ALPK2: variants seen among roughly 807,000 people sequenced by gnomAD.
ALPK2 encodes alpha kinase 2.
In ALPK2, 127 loss-of-function variants were observed where a neutral mutation model predicts 163.1. That is an observed-to-expected ratio of 0.78 (90% CI 0.67 to 0.90). The LOEUF (loss-of-function observed/expected upper bound fraction) is 0.90, where lower values mean the gene tolerates loss of function less well. ALPK2 is among the 40% of genes least tolerant of loss of function. The pLI is 0.00. For missense variants in ALPK2, 2,360 were observed against 2,589.6 expected, an observed-to-expected ratio of 0.91 and a Z score of 1.92; for synonymous variants, 953 against 959.1, an observed-to-expected ratio of 0.99 and a Z score of 0.12.
chr18:58,520,360 T>C (rs1213407366), intron 8 of ALPK2, among the ~76,000 whole-genome samples: 1 of 128,630 alleles, frequency 7.8e-6, no homozygotes, highest in East Asian at 2.3e-4. Flanking sequence ...ACTTGGGAGG[T>C]GGAGGTTGCA....
At chr18:58,512,984 G>T (rs2051501110) in intron 10 of ALPK2, among the ~76,000 whole-genome samples, 1 of 145,358 alleles carries the variant, frequency 6.9e-6, no homozygotes, top group African/African-American at 2.6e-5. Context: ...TGTGTGGTGT[G>T]TGTGTGGTGT....
At chr18:58,621,277 T>C (rs914196913) in intron 1 of ALPK2, among the ~76,000 whole-genome samples, 4 of 149,676 alleles carry the variant, frequency 2.7e-5, no homozygotes, top group Non-Finnish European at 5.9e-5. Context: ...GTGATCACTT[T>C]CTTTTTTTTT....
chr18:58,488,300 T>G (rs2051350717), intron 12 of ALPK2, among the ~76,000 whole-genome samples: 1 of 151,178 alleles, frequency 6.6e-6, no homozygotes, highest in Admixed American at 6.6e-5. Context: ...TATTCAAGAT[T>G]TGCTATGTGT....
At chr18:58,498,240 C>A (rs533883079) in intron 11 of ALPK2, 143 bp from the exon 12 acceptor site, 21 of 722,434 alleles carry the variant, frequency 2.9e-5, no homozygotes, top group Non-Finnish European at 5.1e-5. Flanking sequence ...CTTTCATATA[C>A]GCATCCAGCT....
intron 3 of ALPK2, among the ~76,000 whole-genome samples, chr18:58,603,601 A>G (rs974204658): frequency 2.6e-5 from 4 of 152,124 alleles, no homozygotes; most frequent in Non-Finnish European, 4.4e-5. Flanking sequence ...TGCAACCATC[A>G]AAGGAGGCCT....
intron 1 of ALPK2, among the ~76,000 whole-genome samples, chr18:58,623,589 C>T (rs1196210943): frequency 1.3e-5 from 2 of 152,198 alleles, no homozygotes; most frequent in Non-Finnish European, 2.9e-5. Flanking sequence ...CCTCAGCCTC[C>T]TGAGTAGCTG....
intron 4 of ALPK2, among the ~76,000 whole-genome samples, chr18:58,552,091 T>TA (rs1040020343): frequency 3.7e-4 from 56 of 151,462 alleles, no homozygotes; most frequent in African/African-American, 1.2e-3. Context: ...ATCATCACTT[T>TA]AAAAAAAAAT....
chr18:58,612,423 G>A (rs778637015), intron 1 of ALPK2, among the ~76,000 whole-genome samples: 1 of 152,216 alleles, frequency 6.6e-6, no homozygotes, highest in African/African-American at 2.4e-5. Flanking sequence ...GTGCCCTAGG[G>A]GAAGGCAGGC....
intron 4 of ALPK2, among the ~76,000 whole-genome samples, chr18:58,541,311 TAAAC>T (rs2051688556): frequency 6.6e-6 from 1 of 152,160 alleles, no homozygotes; most frequent in African/African-American, 2.4e-5. Flanking sequence ...CGCACACTTT[TAAAC>T]AACCAGATCT....
chr18:58,610,271 G>A (rs1252504604), intron 2 of ALPK2, among the ~76,000 whole-genome samples: 8 of 95,008 alleles, frequency 8.4e-5, no homozygotes, highest in South Asian at 4.5e-4. Flanking sequence ...AAGAGACCCT[G>A]TCTCAAAAAA....
At chr18:58,490,831 G>A (rs2051370720) in intron 12 of ALPK2, among the ~76,000 whole-genome samples, 1 of 152,182 alleles carries the variant, frequency 6.6e-6, no homozygotes, top group South Asian at 2.1e-4. Context: ...GAGTCCCGAA[G>A]AAGAGAGCTC....
intron 1 of ALPK2, among the ~76,000 whole-genome samples, chr18:58,614,474 T>C (rs1426558219): frequency 2.0e-5 from 3 of 152,230 alleles, no homozygotes; most frequent in South Asian, 4.1e-4. Context: ...TAATCCCCTC[T>C]CAGCATAATG....
At chr18:58,591,674 A>G (rs1467448658) in intron 3 of ALPK2, among the ~76,000 whole-genome samples, 1 of 152,230 alleles carries the variant, frequency 6.6e-6, no homozygotes, top group East Asian at 1.9e-4. Flanking sequence ...GGCAGAAGGA[A>G]TAGCCTAAAT....
At chr18:58,510,227 C>G (rs2051483130) in intron 10 of ALPK2, among the ~76,000 whole-genome samples, 1 of 152,178 alleles carries the variant, frequency 6.6e-6, no homozygotes. Flanking sequence ...GGGCTCTGTT[C>G]TGTTCCATTG....
chr18:58,510,180 C>T lies in ALPK2; in HGVS notation c.6029+4813G>A, dbSNP rs559283341. On this transcript the variant is annotated intron_variant, in intron 10 of 12. Transcript: ENST00000361673. ...TTCTTGTTTTTGTGAGGTTTGTCAA[C>T]GATCAGATAGTTGTAGATACGTGGC... Among the ~76,000 whole-genome samples, 31 of 152,246 alleles carry T rather than the reference C, an allele frequency of 2.0e-4. No homozygotes were observed. In the South Asian group the frequency reaches 2.1e-3, roughly 10 times the overall value.
intron 4 of ALPK2, chr18:58,578,271 C>T (rs1568091009): frequency 6.6e-6 from 1 of 152,300 alleles, no homozygotes; most frequent in Non-Finnish European, 1.5e-5. Context: ...CCTGCTTTCC[C>T]TAGCATCACA....
chr18:58,587,395 G>T (rs2051992936), intron 3 of ALPK2, among the ~76,000 whole-genome samples: 1 of 152,048 alleles, frequency 6.6e-6, no homozygotes, highest in Non-Finnish European at 1.5e-5. Flanking sequence ...ATAAAGTATT[G>T]CCCATACACA....
At chr18:58,612,394 C>A (rs2052137557) in intron 1 of ALPK2, among the ~76,000 whole-genome samples, 1 of 152,200 alleles carries the variant, frequency 6.6e-6, no homozygotes, top group East Asian at 1.9e-4. Context: ...TATGACTGCT[C>A]CTTCTGAGCA....
chr18:58,568,077 G>A (rs557718532), intron 4 of ALPK2, among the ~76,000 whole-genome samples: 30 of 152,212 alleles, frequency 2.0e-4, no homozygotes, highest in Admixed American at 4.6e-4. Context: ...TGAGTTTCCC[G>A]GGCACATGTT....
Sources: gnomAD v4.1 joint callset for allele counts (sites outside exome capture counted in the v4.1 genomes callset) on GRCh38, gnomAD v4.1.1 for gene constraint, MANE v1.5 for transcripts, NCBI Gene and HGNC (gene_info 2026-07-23, HGNC 2026-07-21) for gene names.